CCDC30: variants seen among roughly 807,000 people sequenced by gnomAD.
CCDC30 encodes the protein coiled-coil domain containing 30.
CCDC30 carries 70 observed loss-of-function variants against 100.2 expected under a neutral mutation model. The ratio of observed to expected loss-of-function variants is 0.70; its 90% CI spans 0.58 to 0.85. The LOEUF is 0.85. Ranked by LOEUF, CCDC30 falls within the 40% of genes least tolerant of loss-of-function variation. CCDC30 has a pLI of 0.00. For synonymous variants in CCDC30, 233 were observed against 269.5 expected, an observed-to-expected ratio of 0.86 and a Z score of 1.33; for missense variants, 652 against 771.2, an observed-to-expected ratio of 0.85 and a Z score of 1.83.
At chr1:42,500,624 A>G (rs1644298251) in intron 6 of CCDC30, among the ~76,000 whole-genome samples, 1 of 152,150 alleles carries the variant, frequency 6.6e-6, no homozygotes, top group Admixed American at 6.5e-5. Context: ...CGTGTTAGCC[A>G]GGATGGTCTC....
At chr1:42,545,162 T>TAAAAAAAAA (rs57060353) in intron 6 of CCDC30, among the ~76,000 whole-genome samples, 127 of 64,654 alleles carry the variant, frequency 2.0e-3, no homozygotes, top group Non-Finnish European at 3.2e-3. Flanking sequence ...AAAATACCTT[T>TAAAAAAAAA]AAAAAAAAAA....
chr1:42,532,841 T>C (rs1053415680), intron 6 of CCDC30, among the ~76,000 whole-genome samples: 2 of 152,176 alleles, frequency 1.3e-5, no homozygotes, highest in Non-Finnish European at 2.9e-5. Flanking sequence ...GTCTGGCTTA[T>C]TGCAAGCTCC....
At chr1:42,544,610 G>A (rs1156473529) in intron 6 of CCDC30, among the ~76,000 whole-genome samples, 1 of 152,110 alleles carries the variant, frequency 6.6e-6, no homozygotes, top group Non-Finnish European at 1.5e-5. Context: ...CACCTCCCAG[G>A]CTCAAGCCAT....
At chr1:42,562,649 C>G (rs1645516013) in intron 6 of CCDC30, among the ~76,000 whole-genome samples, 1 of 152,106 alleles carries the variant, frequency 6.6e-6, no homozygotes, top group Admixed American at 6.5e-5. Flanking sequence ...GCAAAAGAAA[C>G]TATCATTAGA....
intron 6 of CCDC30, chr1:42,500,388 G>A: frequency 7.3e-6 from 9 of 1,230,114 alleles, no homozygotes; most frequent in Non-Finnish European, 1.1e-5. Flanking sequence ...AGCGAAGTCT[G>A]GTCTGCGCAG....
At chr1:42,606,525 G>A (rs535456525) in intron 10 of CCDC30, among the ~76,000 whole-genome samples, 228 of 152,264 alleles carry the variant, frequency 1.5e-3, no homozygotes, top group South Asian at 6.4e-3. Context: ...TGATCCACCC[G>A]CCTCGGCCTG....
intron 1 of CCDC30, chr1:42,467,744 C>A (rs1173765566): frequency 3.3e-5 from 5 of 152,204 alleles, no homozygotes; most frequent in Non-Finnish European, 7.3e-5. Context: ...CTACTTCCAA[C>A]CCATTCCATG....
chr1:42,483,218 T>TA (rs1002637014), intron 3 of CCDC30, among the ~76,000 whole-genome samples: 5 of 152,226 alleles, frequency 3.3e-5, no homozygotes, highest in Admixed American at 6.5e-5. Context: ...TTCATTTTGT[T>TA]ACACGTAGCA....
At chr1:42,626,126 A>G (rs944182666) in intron 11 of CCDC30, among the ~76,000 whole-genome samples, 1 of 152,014 alleles carries the variant, frequency 6.6e-6, no homozygotes, top group Non-Finnish European at 1.5e-5. Context: ...GTCTTTTCTT[A>G]TAGTTTTTGT....
At chr1:42,617,043 C>T (rs1408937098) in intron 11 of CCDC30, among the ~76,000 whole-genome samples, 1 of 152,048 alleles carries the variant, frequency 6.6e-6, no homozygotes, top group Non-Finnish European at 1.5e-5. Flanking sequence ...AATGTTTAAA[C>T]AAAAGATGCT....
downstream of CCDC30, among the ~76,000 whole-genome samples, chr1:42,655,542 A>G (rs1030200685): frequency 5.3e-5 from 8 of 152,250 alleles, no homozygotes; most frequent in South Asian, 1.5e-3. Context: ...GCAAGACTCC[A>G]TCTCGAAAAA....
intron 6 of CCDC30, among the ~76,000 whole-genome samples, chr1:42,522,431 G>A (rs11210660): frequency 0.057 from 8,699 of 152,038 alleles, 371 homozygotes; most frequent in East Asian, 0.11. Flanking sequence ...CTTATTTCCT[G>A]CATTACCCTT....
intron 6 of CCDC30, among the ~76,000 whole-genome samples, chr1:42,518,637 G>A (rs545889721): frequency 7.9e-5 from 12 of 152,308 alleles, no homozygotes; most frequent in African/African-American, 2.9e-4. Context: ...ATACCATCTA[G>A]GTTTGTGTAA....
intron 6 of CCDC30, among the ~76,000 whole-genome samples, chr1:42,541,038 G>A (rs899515017): frequency 7.9e-5 from 12 of 152,134 alleles, no homozygotes; most frequent in African/African-American, 2.9e-4. Flanking sequence ...GAAGAGTACT[G>A]TCTCAGTCAG....
At chr1:42,651,910 G>A (rs1648384520) in intron 15 of CCDC30, among the ~76,000 whole-genome samples, 1 of 152,090 alleles carries the variant, frequency 6.6e-6, no homozygotes, top group Admixed American at 6.6e-5. Flanking sequence ...GTGTTGGCAA[G>A]GATGTGGAGA....
intron 6 of CCDC30, among the ~76,000 whole-genome samples, chr1:42,546,520 A>G (rs1405030539): frequency 6.7e-6 from 1 of 149,448 alleles, no homozygotes; most frequent in Admixed American, 6.7e-5. Context: ...GGAAATTATA[A>G]CAACCCTTAA....
intron 8 of CCDC30, among the ~76,000 whole-genome samples, chr1:42,580,529 T>C (rs1370099981): frequency 6.6e-6 from 1 of 152,216 alleles, no homozygotes; most frequent in Non-Finnish European, 1.5e-5. Context: ...ATTGAGCACC[T>C]ACTATGTACG....
chr1:42,580,906 T>C (rs1232403004), intron 8 of CCDC30: 3 of 454,790 alleles, frequency 6.6e-6, no homozygotes, highest in Non-Finnish European at 1.3e-5. Context: ...TAAATTGGTC[T>C]AATACCTGTG....
intron 9 of CCDC30, among the ~76,000 whole-genome samples, chr1:42,584,850 CT>C (rs1646037774): frequency 1.3e-5 from 2 of 152,188 alleles, no homozygotes; most frequent in South Asian, 4.2e-4. Flanking sequence ...TGTGGTTTTC[CT>C]ATCATATAAT....
Sources: gnomAD v4.1 joint callset for allele counts (sites outside exome capture counted in the v4.1 genomes callset) on GRCh38, gnomAD v4.1.1 for gene constraint, MANE v1.5 for transcripts, NCBI Gene and HGNC (gene_info 2026-07-23, HGNC 2026-07-21) for gene names.